The following ZNF215 variants were observed in gnomAD, a reference collection of about 807,000 sequenced individuals.
ZNF215 encodes the protein zinc finger protein 215.
Under a neutral mutation model 27.2 loss-of-function variants are expected in ZNF215, and 24 were observed. That is an observed-to-expected ratio of 0.88 (90% CI 0.64 to 1.24). ZNF215 has a LOEUF of 1.24. Ranked by LOEUF, ZNF215 falls within the 50% of genes most tolerant of loss-of-function variation. The probability of loss-of-function intolerance (pLI) is 0.00; values close to 1 mark genes in which losing one functional copy is unlikely to be tolerated. For synonymous variants in ZNF215, 210 were observed against 204.0 expected (o/e 1.03, Z -0.25); for missense variants, 675 against 605.7 (o/e 1.11, Z -1.20).
chr11:6,991,810 C>T (rs1488130214), downstream of ZNF215, among the ~76,000 whole-genome samples: 1 of 152,096 alleles, frequency 6.6e-6, no homozygotes, highest in East Asian at 1.9e-4. Context: ...TTTTAATTTC[C>T]AATATAATCT....
rs776500625 is a variant in ZNF215 at position 6,955,982 on chromosome 11, TAA to T, written c.1006_1007del (p.Lys336ValfsTer2). ...CAAGAAAGGGGTCTCCAAAATGTGA[TAA>T]GTTTAAAACTTACTTCAAATTTAAT... ...PSRKGSPKCD[K>X]FKTYFKFNLD... On this transcript the variant is annotated frameshift_variant, in exon 7 of 7. Coordinates refer to ENST00000278319, the MANE Select transcript of ZNF215 (RefSeq NM_013250.4). LOFTEE classifies it low-confidence loss of function (END_TRUNC). 6.2e-7 allele frequency: 1 copy of T among 1,612,964 alleles called. No individual in the cohort carries two copies. The highest frequency in any genetic ancestry group is 8.5e-7 in the Non-Finnish European group (1 of 1,179,750).
intron 5 of ZNF215, among the ~76,000 whole-genome samples, chr11:6,972,422 T>A (rs980677041): frequency 1.4e-5 from 2 of 139,402 alleles, no homozygotes; most frequent in African/African-American, 2.6e-5. Context: ...TTTTTTTTTT[T>A]AACCAATATT....
chr11:6,944,085 C>G (rs1436334043), intron 6 of ZNF215, among the ~76,000 whole-genome samples: 1 of 152,136 alleles, frequency 6.6e-6, no homozygotes, highest in Non-Finnish European at 1.5e-5. Context: ...ACCATCCTGG[C>G]TAACACCGTT....
At position 6,957,523 on chromosome 11, in the gene ZNF215, C is replaced by T. The variant is rs148682743; in HGVS notation, c.*992C>T. On this transcript the variant is annotated 3_prime_UTR_variant, in exon 7 of 7. Transcript: ENST00000278319. ...ATTATCTTATCTGTTTTTATTAATC[C>T]GTCTTAAATGTGTATATAGCTCAGA... is the stretch of plus-strand genomic sequence containing the variant. The T allele has an allele frequency of 0.013, 2,107 of 158,872 alleles. 15 individuals are homozygous for T. The highest frequency in any genetic ancestry group is 0.017 in the Non-Finnish European group (1,279 of 74,208). The allele number at this position is 158,872 out of a possible 1,614,324, so 9.8% of individuals were successfully genotyped here.
At chr11:6,929,571 A>G (rs1265636184) in intron 2 of ZNF215, among the ~76,000 whole-genome samples, 1 of 152,174 alleles carries the variant, frequency 6.6e-6, no homozygotes, top group African/African-American at 2.4e-5. Context: ...AGTATGGAGA[A>G]CCATCTGTTG....
chr11:6,990,982 T>C (rs1426885864), downstream of ZNF215, among the ~76,000 whole-genome samples: 1 of 152,258 alleles, frequency 6.6e-6, no homozygotes, highest in Non-Finnish European at 1.5e-5. Flanking sequence ...GAAGGCATTA[T>C]GGAAATTGGC....
At chr11:6,987,177 G>T (rs1851066978), downstream of ZNF215, among the ~76,000 whole-genome samples, 1 of 152,104 alleles carries the variant, frequency 6.6e-6, no homozygotes, top group Admixed American at 6.5e-5. Flanking sequence ...ATATTCCAAG[G>T]AATACTATGA....
intron 6 of ZNF215, among the ~76,000 whole-genome samples, chr11:6,944,688 T>A (rs1008324697): frequency 6.6e-6 from 1 of 152,204 alleles, no homozygotes; most frequent in African/African-American, 2.4e-5. Flanking sequence ...TCCAGAGCTA[T>A]GTAGTATTAA....
At position 6,932,493 on chromosome 11, in the gene ZNF215, T is replaced by C. The variant is rs767351400; in HGVS notation, c.221T>C (p.Leu74Pro). The C allele has an allele frequency of 6.2e-7, 1 of 1,614,154 alleles. No individual in the cohort carries two copies. The highest frequency in any genetic ancestry group is 8.5e-7 in the Non-Finnish European group (1 of 1,180,020). The change falls in exon 3 of 7, where the codon CTT becomes CCT. Residue 74 changes from leucine to proline, a missense_variant. By Grantham distance (98) the Leu-to-Pro change is moderately conservative. Coordinates refer to ENST00000278319, the MANE Select transcript of ZNF215 (RefSeq NM_013250.4). ...EALSQLWELC[L>P]QWLRPEIHTK... Reference sequence around the variant, plus strand: ...CTGAGCCAACTCTGGGAGCTCTGTCTTCAATGGCTGAGACCAGAGATTCAT... The same window carrying C: ...CTGAGCCAACTCTGGGAGCTCTGTCCTCAATGGCTGAGACCAGAGATTCAT...
Position 6,956,108 on chromosome 11 carries a change from T to A in ZNF215, c.1131T>A (p.Asn377Lys). Residue 377 changes from asparagine (N) to lysine (K), a missense_variant, in exon 7 of 7, where the codon AAT (asparagine) becomes AAA (lysine). Transcript: ENST00000278319. ...IRHQKSHTTM[N>K]SYECYQCGKA... Reference sequence around the variant, plus strand: ...ACCAAAAAAGTCATACTACAATGAATTCCTATGAATGTTATCAATGTGGGA... The same window carrying A: ...ACCAAAAAAGTCATACTACAATGAAATCCTATGAATGTTATCAATGTGGGA... 1 of 1,613,524 alleles carries A rather than the reference T, an allele frequency of 6.2e-7. No individual in the cohort carries two copies.
intron 6 of ZNF215, among the ~76,000 whole-genome samples, chr11:6,946,787 G>A (rs1056763822): frequency 6.6e-6 from 1 of 152,050 alleles, no homozygotes; most frequent in African/African-American, 2.4e-5. Flanking sequence ...GTTCTTTGAG[G>A]GTAGGCATAA....
At chr11:6,948,754 T>A (rs1488439033) in intron 6 of ZNF215, among the ~76,000 whole-genome samples, 1 of 151,956 alleles carries the variant, frequency 6.6e-6, no homozygotes, top group African/African-American at 2.4e-5. Flanking sequence ...TTTTTATTTT[T>A]ATTTTATTAT....
intron 6 of ZNF215, among the ~76,000 whole-genome samples, chr11:6,954,121 G>A (rs2774479): frequency 0.68 from 103,481 of 151,900 alleles, 35,918 homozygotes; most frequent in South Asian, 0.8. Flanking sequence ...ATACCCGGCC[G>A]TGTGAGATGT....
intron 5 of ZNF215, among the ~76,000 whole-genome samples, chr11:6,979,062 T>C (rs1337967010): frequency 6.6e-6 from 1 of 152,042 alleles, no homozygotes; most frequent in Non-Finnish European, 1.5e-5. Context: ...AAAGCTCTTA[T>C]CCACCAAAAG....
chr11:6,977,813 A>G (rs1850862105), intron 5 of ZNF215, among the ~76,000 whole-genome samples: 1 of 152,080 alleles, frequency 6.6e-6, no homozygotes, highest in African/African-American at 2.4e-5. Flanking sequence ...CACTCCCAAG[A>G]TAACATTAAC....
chr11:6,960,578 C>G (rs1037331845), downstream of ZNF215, among the ~76,000 whole-genome samples: 1 of 152,146 alleles, frequency 6.6e-6, no homozygotes, highest in Admixed American at 6.5e-5. Flanking sequence ...CACCCAGGCT[C>G]TCTTCCTTCT....
At chr11:6,941,762 C>A in intron 4 of ZNF215, 109 bp downstream of exon 4, 2 of 1,145,570 alleles carry the variant, frequency 1.7e-6, no homozygotes, top group Non-Finnish European at 2.5e-6. Flanking sequence ...CATCCAAGAA[C>A]ATGAGACTTT....
intron 5 of ZNF215, among the ~76,000 whole-genome samples, chr11:6,980,653 C>T (rs1850930205): frequency 6.6e-6 from 1 of 151,630 alleles, no homozygotes; most frequent in Admixed American, 6.6e-5. Context: ...TACATGTGCA[C>T]ATTGTGCAGG....
chr11:6,965,623 A>G (rs1392828354), intron 5 of ZNF215, among the ~76,000 whole-genome samples: 2 of 152,172 alleles, frequency 1.3e-5, no homozygotes, highest in Non-Finnish European at 2.9e-5. Context: ...CAGATCTTAC[A>G]AAGATTTTGT....
Sources: allele counts gnomAD v4.1 joint callset (sites outside exome capture counted in the v4.1 genomes callset), GRCh38; gene constraint gnomAD v4.1.1; transcripts MANE v1.5; gene names NCBI Gene and HGNC (gene_info 2026-07-23, HGNC 2026-07-21).